The following TMEM44 variants were observed in gnomAD, a reference collection of about 807,000 sequenced individuals.
TMEM44 encodes transmembrane protein 44.
TMEM44 carries 43 observed loss-of-function variants against 47.8 expected under a neutral mutation model. The ratio of observed to expected loss-of-function variants is 0.90; its 90% CI spans 0.70 to 1.16. The LOEUF (loss-of-function observed/expected upper bound fraction) is 1.16. Among genes scored for constraint, TMEM44 ranks in the 50% most tolerant of loss-of-function variants. The pLI is 0.00. For missense variants in TMEM44, 568 were observed against 555.2 expected (o/e 1.02, Z -0.23); for synonymous variants, 277 against 238.8 (o/e 1.16, Z -1.48).
chr3:194,605,314 G>A (rs1367098754), intron 8 of TMEM44, among the ~76,000 whole-genome samples: 2 of 152,184 alleles, frequency 1.3e-5, no homozygotes, highest in African/African-American at 2.4e-5. Flanking sequence ...CCACTGACAC[G>A]TGACAGAGCA....
At chr3:194,612,617 CAA>C (rs34561970) in intron 7 of TMEM44, among the ~76,000 whole-genome samples, 1 of 141,628 alleles carries the variant, frequency 7.1e-6, no homozygotes, top group Non-Finnish European at 1.5e-5. Flanking sequence ...GAGTTTTTTC[CAA>C]AAAAAAAAAA....
At chr3:194,602,671 G>T (rs1714282643) in intron 9 of TMEM44, among the ~76,000 whole-genome samples, 1 of 152,104 alleles carries the variant, frequency 6.6e-6, no homozygotes, top group African/African-American at 2.4e-5. Context: ...CTAGCCTCTG[G>T]GTCAGATTCT....
chr3:194,594,104 A>G (rs1713080738), intron 9 of TMEM44, among the ~76,000 whole-genome samples: 1 of 95,892 alleles, frequency 1.0e-5, no homozygotes, highest in Non-Finnish European at 2.7e-5. Context: ...GAGCCACAGC[A>G]CCTGGCCTAA....
At position 194,597,334 on chromosome 3, in the gene TMEM44, A is replaced by C. The variant is rs539430374; in HGVS notation, c.1176+6953T>G. 3.3e-5 allele frequency: 5 copies of C among 152,334 alleles called. No homozygotes were observed. In the South Asian group the frequency reaches 1.0e-3, roughly 32 times the overall value. The allele number at this position is 152,334 out of a possible 1,614,324, so 9.4% of individuals were successfully genotyped here. ...CCTTTTCTTGAATCCCAGGGGCTAA[A>C]GAAAAAGAAAGAAAGAAAAGGAAGC... is the stretch of plus-strand genomic sequence containing the variant. On this transcript the variant is annotated intron_variant, in intron 9 of 9. Transcript: ENST00000347147.
intron 3 of TMEM44, among the ~76,000 whole-genome samples, chr3:194,624,765 C>T (rs1266491195): frequency 5.9e-5 from 9 of 151,798 alleles, no homozygotes; most frequent in African/African-American, 2.2e-4. Flanking sequence ...TCTTGTTGCC[C>T]ACGTTGGAGT....
At chr3:194,608,832 C>T (rs908669050) in intron 8 of TMEM44, among the ~76,000 whole-genome samples, 1 of 152,132 alleles carries the variant, frequency 6.6e-6, no homozygotes, top group Non-Finnish European at 1.5e-5. Context: ...TGTGGGCCAC[C>T]AAGAGCTCTG....
At chr3:194,618,654 A>C (rs1027494971) in intron 5 of TMEM44, among the ~76,000 whole-genome samples, 1 of 151,334 alleles carries the variant, frequency 6.6e-6, no homozygotes, top group African/African-American at 2.4e-5. Flanking sequence ...TAAACTCATT[A>C]GATGACTCAT....
intron 8 of TMEM44, among the ~76,000 whole-genome samples, chr3:194,609,911 C>T (rs1715138069): frequency 6.6e-6 from 1 of 152,098 alleles, no homozygotes; most frequent in African/African-American, 2.4e-5. Flanking sequence ...AGTACTCAAG[C>T]CTCCTGACTC....
chr3:194,594,165 A>AT (rs766929721), intron 9 of TMEM44, among the ~76,000 whole-genome samples: 1 of 76,444 alleles, frequency 1.3e-5, no homozygotes, highest in Non-Finnish European at 3.4e-5. Flanking sequence ...CTATCTATCT[A>AT]TATCTATCTA....
chr3:194,603,547 A>C (rs1198868182), intron 9 of TMEM44, among the ~76,000 whole-genome samples: 1 of 151,912 alleles, frequency 6.6e-6, no homozygotes, highest in Non-Finnish European at 1.5e-5. Context: ...ACAGGTGCGA[A>C]CCACCACGCC....
chr3:194,612,102 G>A (rs1305847950), intron 7 of TMEM44, among the ~76,000 whole-genome samples: 1 of 152,116 alleles, frequency 6.6e-6, no homozygotes. Flanking sequence ...AGATTCGGGA[G>A]ATCTGGGTGG....
intron 7 of TMEM44, among the ~76,000 whole-genome samples, chr3:194,613,990 T>C (rs990065511): frequency 2.6e-5 from 4 of 151,516 alleles, no homozygotes; most frequent in African/African-American, 4.8e-5. Context: ...GGCATGGTGG[T>C]GCATGCCTGT....
intron 1 of TMEM44, among the ~76,000 whole-genome samples, chr3:194,630,873 C>T (rs533878226): frequency 4.8e-5 from 7 of 146,204 alleles, no homozygotes; most frequent in South Asian, 4.5e-4. Context: ...ACCTGCCTCC[C>T]GAAGGGGCTG....
At chr3:194,626,687 T>TC (rs1717215391) in intron 2 of TMEM44, among the ~76,000 whole-genome samples, 1 of 149,652 alleles carries the variant, frequency 6.7e-6, no homozygotes, top group African/African-American at 2.5e-5. Flanking sequence ...TTAAGTTTTT[T>TC]TTTTTTTTTT....
chr3:194,620,004 G>A (rs903181204), intron 5 of TMEM44, among the ~76,000 whole-genome samples: 1 of 152,044 alleles, frequency 6.6e-6, no homozygotes, highest in African/African-American at 2.4e-5. Flanking sequence ...TACTCAACAG[G>A]AAGGGGCTGG....
In TMEM44 at chr3:194,633,304, C is replaced by T. The variant is rs1718035768; in HGVS notation, c.-89G>A. ...GCCCCGAGCGCCGCCGCCCCGCGTG[C>T]CCTTCTCTGGGTTCCGTTCCGCCGC... On this transcript the variant is annotated 5_prime_UTR_variant, in exon 1 of 10. Coordinates refer to ENST00000347147, the MANE Select transcript of TMEM44 (RefSeq NM_001011655.3). 2 of 530,222 alleles carry T rather than the reference C, an allele frequency of 3.8e-6. No individual in the cohort carries two copies. Among genetic ancestry groups the T allele is most frequent in the Non-Finnish European group, 4.9e-6 (2 of 409,404 alleles). The allele number at this position is 530,222 out of a possible 1,614,324, so 32.8% of individuals were successfully genotyped here.
intron 3 of TMEM44, among the ~76,000 whole-genome samples, chr3:194,625,686 T>A (rs1480590509): frequency 2.6e-5 from 4 of 152,186 alleles, no homozygotes; most frequent in African/African-American, 9.7e-5. Context: ...TTCACCATGT[T>A]GGCCAGGATG....
chr3:194,589,804 G>A (rs1359748346), intron 9 of TMEM44: 4 of 152,116 alleles, frequency 2.6e-5, no homozygotes, highest in African/African-American at 4.8e-5. Context: ...GTAGGGATTG[G>A]GCTCCAGTTC....
intron 9 of TMEM44, 146 bp from the exon 10 acceptor site, chr3:194,588,785 A>G: frequency 1.4e-6 from 1 of 740,366 alleles, no homozygotes; most frequent in South Asian, 1.8e-5. Context: ...CAAGTTACCC[A>G]GGCCTGTGTT....
Sources: allele counts gnomAD v4.1 joint callset (sites outside exome capture counted in the v4.1 genomes callset), GRCh38; gene constraint gnomAD v4.1.1; transcripts MANE v1.5; gene names NCBI Gene and HGNC (gene_info 2026-07-23, HGNC 2026-07-21).